The following RAB11FIP3 variants were observed in gnomAD, a reference collection of about 807,000 sequenced individuals.
The protein encoded by RAB11FIP3 is rab11 family-interacting protein 3.
Under a neutral mutation model 77.8 loss-of-function variants are expected in RAB11FIP3, and 17 were observed. The ratio of observed to expected loss-of-function variants is 0.22; its 90% CI spans 0.15 to 0.33. The LOEUF is 0.33. Ranked by LOEUF, RAB11FIP3 falls within the 10% of genes least tolerant of loss-of-function variation. The pLI is 1.00. For synonymous variants in RAB11FIP3, 437 were observed against 448.2 expected (o/e 0.98, Z 0.31); for missense variants, 1,005 against 1,011.2 (o/e 0.99, Z 0.08).
At chr16:459,953 C>T (rs1046864460) in intron 1 of RAB11FIP3, among the ~76,000 whole-genome samples, 17 of 150,082 alleles carry the variant, frequency 1.1e-4, no homozygotes, top group African/African-American at 4.2e-4. Context: ...TCTCTGCTCA[C>T]GGCAACTTCT....
At chr16:441,282 C>G (rs767261211) in intron 1 of RAB11FIP3, among the ~76,000 whole-genome samples, 4 of 152,170 alleles carry the variant, frequency 2.6e-5, no homozygotes, top group Admixed American at 2.6e-4. Context: ...CACTCAGTAA[C>G]CTGGTATTCC....
chr16:426,784 T>G lies in RAB11FIP3; in HGVS notation c.714+64T>G. ...GGTGCGCGCTGGCCGGCGGGGTTGA[T>G]GTGGGACCGGTCGACGCTGCCCCTG... On this transcript the variant is annotated intron_variant, in intron 1 of 13. Coordinates refer to ENST00000262305, the MANE Select transcript of RAB11FIP3 (RefSeq NM_014700.4). This position sits in a 1 kb window ranked among gnomAD's most constrained non-coding sequence, Gnocchi z 5.0. The G allele has an allele frequency of 2.2e-6, 3 of 1,344,530 alleles. No individual in the cohort carries two copies. Among genetic ancestry groups the G allele is most frequent in the South Asian group, 3.2e-5 (2 of 61,592 alleles). 83.3% of individuals were successfully genotyped at this position (1,344,530 alleles called of 1,614,324 possible). A position where few individuals can be genotyped will look rare whatever the true frequency, so the allele number is the denominator to read the frequency against.
chr16:494,517 G>C (rs1217505767), intron 5 of RAB11FIP3, among the ~76,000 whole-genome samples: 1 of 151,896 alleles, frequency 6.6e-6, no homozygotes, highest in East Asian at 1.9e-4. Flanking sequence ...AGCTACTCGG[G>C]AGGCTGAGGC....
At chr16:469,996 T>G (rs1205605380) in intron 2 of RAB11FIP3, among the ~76,000 whole-genome samples, 2 of 152,074 alleles carry the variant, frequency 1.3e-5, no homozygotes, top group African/African-American at 4.8e-5. Context: ...TTTCTTTTCT[T>G]TCTTTCTTTT....
At chr16:491,359 G>A (rs1596268431) in intron 5 of RAB11FIP3, 10 of 1,214,538 alleles carry the variant, frequency 8.2e-6, no homozygotes, top group Admixed American at 2.6e-5. Flanking sequence ...GCCCCGAGGC[G>A]ACCAGGAGCC....
intron 1 of RAB11FIP3, among the ~76,000 whole-genome samples, chr16:455,845 C>T (rs1838421692): frequency 3.9e-5 from 6 of 152,164 alleles, no homozygotes; most frequent in Admixed American, 2.6e-4. Context: ...TCCGCCTTGG[C>T]ATTTCAAAAT....
intron 1 of RAB11FIP3, among the ~76,000 whole-genome samples, chr16:444,123 G>A (rs1471105512): frequency 6.6e-6 from 1 of 152,198 alleles, no homozygotes; most frequent in African/African-American, 2.4e-5. Context: ...GGTTGGCCGA[G>A]GCAGCCTCTG....
At chr16:474,871 G>A in intron 3 of RAB11FIP3, 1 of 1,469,184 alleles carries the variant, frequency 6.8e-7, no homozygotes, top group East Asian at 2.5e-5. Context: ...TCTGGGAGCA[G>A]GTTAAACTTT....
Position 425,728 on chromosome 16 carries a change from G to GCCCCCGT in RAB11FIP3, c.-272_-266dup, listed in dbSNP as rs1555497221. On this transcript the variant is annotated 5_prime_UTR_variant, in exon 1 of 14. Coordinates refer to ENST00000262305, the MANE Select transcript of RAB11FIP3 (RefSeq NM_014700.4). ...CGGCCCCCGTCCCCCGGCCTCCTCG[G>GCCCCCGT]CCCCCGTCCCCCGCCATCCGCCGCC... 20 of 320,992 alleles carry GCCCCCGT rather than the reference G, an allele frequency of 6.2e-5. No individual in the cohort carries two copies. Among genetic ancestry groups the GCCCCCGT allele is most frequent in the Non-Finnish European group, 9.6e-5 (17 of 176,186 alleles). The allele number at this position is 320,992 out of a possible 1,614,324, so 19.9% of individuals were successfully genotyped here.
At chr16:446,046 C>A (rs1460122245) in intron 1 of RAB11FIP3, among the ~76,000 whole-genome samples, 1 of 152,084 alleles carries the variant, frequency 6.6e-6, no homozygotes, top group Non-Finnish European at 1.5e-5. Flanking sequence ...CCTACTTGCT[C>A]TTGGGGAATG....
chr16:473,081 A>G (rs1310508319), intron 3 of RAB11FIP3, among the ~76,000 whole-genome samples: 1 of 152,216 alleles, frequency 6.6e-6, no homozygotes, highest in Non-Finnish European at 1.5e-5. Flanking sequence ...CTGAGAGGAT[A>G]AACTGGTGTT....
rs2141914190 is a variant in RAB11FIP3 at position 520,503 on chromosome 16, G to T, written c.2061G>T (p.Gln687His). Residue 687 changes from glutamine (Q) to histidine (H), a missense_variant, in exon 13 of 14, where the codon CAG becomes CAT. This residue lies in a region of RAB11FIP3 where 90 missense variants were observed against 129.7 expected (regional missense o/e 0.69). Coordinates refer to ENST00000262305, the MANE Select transcript of RAB11FIP3 (RefSeq NM_014700.4). ...LKEQNEELNG[Q>H]IITLSIQGAK... ...AGCAGAACGAGGAGCTGAACGGGCAGATCATTACCCTCAGCATCCAGGGCG... is the reference window on the plus strand; with the variant it reads ...AGCAGAACGAGGAGCTGAACGGGCATATCATTACCCTCAGCATCCAGGGCG... The T allele has an allele frequency of 6.2e-7, 1 of 1,613,710 alleles. No individual in the cohort carries two copies. Among genetic ancestry groups the T allele is most frequent in the East Asian group, 2.2e-5 (1 of 44,882 alleles).
rs1057129598 is a variant in RAB11FIP3, at chr16:514,747, CT to C, written c.1640+3948del. 6.6e-6 allele frequency among the ~76,000 whole-genome samples: 1 copy of C among 152,196 alleles called. No homozygotes were observed. The highest frequency in any genetic ancestry group is 2.4e-5 in the African/African-American group (1 of 41,450). On this transcript the variant is annotated intron_variant, in intron 9 of 13. Transcript: ENST00000262305. This position sits in a 1 kb window ranked among gnomAD's most constrained non-coding sequence, Gnocchi z 4.6. ...GGGCTTCCAGAAAGTATGGGAGCCCCTGGCAGGCTGCAGAGAGCTGGAGTGA... is the reference window on the plus strand; with the variant it reads ...GGGCTTCCAGAAAGTATGGGAGCCCCGGCAGGCTGCAGAGAGCTGGAGTGA...
At chr16:435,942 A>G (rs906474418) in intron 1 of RAB11FIP3, among the ~76,000 whole-genome samples, 10 of 152,292 alleles carry the variant, frequency 6.6e-5, no homozygotes, top group East Asian at 3.9e-4. Flanking sequence ...AAGATGGGCT[A>G]TTTTTACTGA....
chr16:513,673 T>C (rs576892443), intron 9 of RAB11FIP3, among the ~76,000 whole-genome samples: 3 of 152,346 alleles, frequency 2.0e-5, no homozygotes, highest in East Asian at 3.9e-4. Flanking sequence ...TTTCAGGTTC[T>C]TTTGCTTGTG....
At chr16:453,795 A>G (rs991034336) in intron 1 of RAB11FIP3, among the ~76,000 whole-genome samples, 1 of 151,526 alleles carries the variant, frequency 6.6e-6, no homozygotes, top group Non-Finnish European at 1.5e-5. Context: ...GGGTTTCACC[A>G]TGTTAGCCAG....
intron 5 of RAB11FIP3, among the ~76,000 whole-genome samples, chr16:493,507 G>C (rs2030793057): frequency 6.6e-6 from 1 of 152,216 alleles, no homozygotes; most frequent in Non-Finnish European, 1.5e-5. Flanking sequence ...AGTCGCCTCA[G>C]AACAGGCCAA....
Position 462,062 on chromosome 16 carries a change from C to T in RAB11FIP3, c.808+565C>T, listed in dbSNP as rs535862476. The stretch of plus-strand genomic sequence containing the variant: ...TGAAATGTACAGCTCACACCTGCTC[C>T]TCTGTGAGCTCCGACAGAGTCCTGT... On this transcript the variant is annotated intron_variant, in intron 2 of 13. Transcript: ENST00000262305. Among the ~76,000 whole-genome samples the T allele has an allele frequency of 2.6e-5, 4 of 152,360 alleles. No individual in the cohort carries two copies. In the East Asian group the frequency reaches 7.7e-4, roughly 29 times the overall value.
chr16:488,748 C>A, intron 4 of RAB11FIP3, 103 bp from the exon 5 acceptor site: 2 of 1,145,754 alleles, frequency 1.7e-6, no homozygotes, highest in Non-Finnish European at 2.4e-6. Flanking sequence ...CCAGGACTCA[C>A]GTGTGGCTTG....
Sources: allele counts gnomAD v4.1 joint callset (sites outside exome capture counted in the v4.1 genomes callset), GRCh38; gene constraint gnomAD v4.1.1; regional missense constraint gnomAD v4.1.1; non-coding constraint Gnocchi (gnomAD v3.1); transcripts MANE v1.5; gene names NCBI Gene and HGNC (gene_info 2026-07-23, HGNC 2026-07-21).